KCNIP4: variants seen among roughly 807,000 people sequenced by gnomAD.
The protein encoded by KCNIP4 is Kv channel-interacting protein 4.
A neutral mutation model predicts 34.0 loss-of-function variants in KCNIP4; 12 were observed. That is an observed-to-expected ratio of 0.35 (90% CI 0.23 to 0.57). The LOEUF is 0.57. KCNIP4 is among the 20% of genes least tolerant of loss of function. The pLI, the probability that KCNIP4 is intolerant of heterozygous loss-of-function variation, is 0.83. For missense variants in KCNIP4, 238 were observed against 311.7 expected (o/e 0.76, Z 1.78); for synonymous variants, 124 against 102.2 (o/e 1.21, Z -1.29).
intron 1 of KCNIP4, among the ~76,000 whole-genome samples, chr4:21,944,216 CACAAAATGGGCAAAAAGAG>C (rs1402920200): frequency 3.3e-5 from 5 of 151,752 alleles, no homozygotes; most frequent in Non-Finnish European, 5.9e-5. Flanking sequence ...TGAAAGGCTG[CACAAAATGGGCAAAAAGAG>C]GAAATAAGTG....
intron 1 of KCNIP4, among the ~76,000 whole-genome samples, chr4:21,068,514 A>G (rs1744611729): frequency 6.6e-6 from 1 of 151,982 alleles, no homozygotes; most frequent in Admixed American, 6.6e-5. Flanking sequence ...ATTTTCTTCT[A>G]ATGTCTCAAT....
chr4:21,553,348 T>C (rs1052847191), intron 1 of KCNIP4, among the ~76,000 whole-genome samples: 2 of 152,114 alleles, frequency 1.3e-5, no homozygotes, highest in African/African-American at 4.8e-5. Flanking sequence ...GTTGAGAGAA[T>C]TGAATGTGAT....
intron 1 of KCNIP4, among the ~76,000 whole-genome samples, chr4:21,707,510 A>T (rs963174938): frequency 6.8e-5 from 10 of 147,142 alleles, no homozygotes; most frequent in African/African-American, 2.3e-4. Flanking sequence ...TAGATTTTGG[A>T]CAAATAGTCC....
chr4:20,919,240 G>A (rs763947070), intron 1 of KCNIP4, among the ~76,000 whole-genome samples: 1 of 152,032 alleles, frequency 6.6e-6, no homozygotes, highest in Non-Finnish European at 1.5e-5. Context: ...GAGAGCAGAG[G>A]CTCTCATGTT....
intron 1 of KCNIP4, among the ~76,000 whole-genome samples, chr4:21,436,792 G>T (rs1726977590): frequency 6.6e-6 from 1 of 152,134 alleles, no homozygotes; most frequent in Non-Finnish European, 1.5e-5. Flanking sequence ...ATAAATGTCG[G>T]CTGGTTTACT....
intron 1 of KCNIP4, among the ~76,000 whole-genome samples, chr4:21,055,311 T>C (rs562386676): frequency 3.9e-5 from 6 of 152,318 alleles, no homozygotes; most frequent in East Asian, 1.9e-4. Flanking sequence ...TCCTATGCAT[T>C]GCTGTTGAAA....
At chr4:20,731,399 C>T (rs1457695332) in intron 8 of KCNIP4, 3 of 985,066 alleles carry the variant, frequency 3.0e-6, no homozygotes, top group East Asian at 1.1e-4. Context: ...TGTGGTTCTG[C>T]CCACACATCA....
intron 1 of KCNIP4, among the ~76,000 whole-genome samples, chr4:21,495,505 A>G (rs186827238): frequency 6.6e-6 from 1 of 152,260 alleles, no homozygotes; most frequent in Non-Finnish European, 1.5e-5. Flanking sequence ...CAACCTTATT[A>G]TCATTAATGA....
At chr4:21,385,670 T>TTCATTG (rs1481899187) in intron 1 of KCNIP4, among the ~76,000 whole-genome samples, 5 of 152,184 alleles carry the variant, frequency 3.3e-5, no homozygotes, top group African/African-American at 1.2e-4. Flanking sequence ...AATTTTGTTT[T>TTCATTG]TCATTGTCAT....
intron 1 of KCNIP4, 76 bp downstream of exon 1, chr4:21,948,495 G>A: frequency 6.7e-7 from 1 of 1,499,420 alleles, no homozygotes; most frequent in Non-Finnish European, 9.1e-7. Context: ...CCGAGGAAGG[G>A]AAGGGGCAGC....
intron 1 of KCNIP4, among the ~76,000 whole-genome samples, chr4:21,428,748 G>A (rs1024226898): frequency 2.6e-5 from 4 of 152,202 alleles, no homozygotes; most frequent in Non-Finnish European, 5.9e-5. Flanking sequence ...TTTAAGCTTA[G>A]CTAAGCCTGT....
At chr4:21,514,385 T>C (rs1734585073) in intron 1 of KCNIP4, among the ~76,000 whole-genome samples, 1 of 152,104 alleles carries the variant, frequency 6.6e-6, no homozygotes, top group Non-Finnish European at 1.5e-5. Flanking sequence ...AAGCCTAATG[T>C]TTTTCAACAC....
At chr4:20,877,466 C>A (rs945424672) in intron 2 of KCNIP4, among the ~76,000 whole-genome samples, 6 of 152,082 alleles carry the variant, frequency 3.9e-5, no homozygotes, top group Non-Finnish European at 7.4e-5. Flanking sequence ...TTGGAAAGTA[C>A]TGGATTTGGA....
chr4:21,899,985 C>T (rs1022316945), intron 1 of KCNIP4, among the ~76,000 whole-genome samples: 1 of 149,420 alleles, frequency 6.7e-6, no homozygotes, highest in Non-Finnish European at 1.5e-5. Flanking sequence ...AAAAAAAAAA[C>T]TGGAGGAATC....
intron 1 of KCNIP4, among the ~76,000 whole-genome samples, chr4:21,306,539 G>A (rs1712486865): frequency 6.6e-6 from 1 of 152,144 alleles, no homozygotes. Context: ...ACCGCAACTG[G>A]CTGACACACT....
At chr4:20,785,639 AT>A (rs1339448641) in intron 3 of KCNIP4, among the ~76,000 whole-genome samples, 1 of 152,190 alleles carries the variant, frequency 6.6e-6, no homozygotes, top group Non-Finnish European at 1.5e-5. Flanking sequence ...CATTTATTTA[AT>A]GTGAATTTTG....
At chr4:21,555,950 C>T (rs1327237776) in intron 1 of KCNIP4, among the ~76,000 whole-genome samples, 1 of 152,010 alleles carries the variant, frequency 6.6e-6, no homozygotes, top group African/African-American at 2.4e-5. Context: ...CAGCTGTGCG[C>T]TGTGAAAAAT....
chr4:21,757,227 GAAA>G (rs1717685758), intron 1 of KCNIP4, among the ~76,000 whole-genome samples: 1 of 23,300 alleles, frequency 4.3e-5, no homozygotes, highest in African/African-American at 3.2e-4. Flanking sequence ...AAGAAAGAAA[GAAA>G]GAAAGAAAGA....
chr4:21,728,179 G>A (rs1256874908), intron 1 of KCNIP4, among the ~76,000 whole-genome samples: 1 of 152,086 alleles, frequency 6.6e-6, no homozygotes, highest in African/African-American at 2.4e-5. Context: ...CTAGACTCAT[G>A]TATCAACACA....
Sources: gnomAD v4.1 joint callset for allele counts (sites outside exome capture counted in the v4.1 genomes callset) on GRCh38, gnomAD v4.1.1 for gene constraint, MANE v1.5 for transcripts, NCBI Gene and HGNC (gene_info 2026-07-23, HGNC 2026-07-21) for gene names.